The following NOL9 variants were observed in gnomAD, a reference collection of about 807,000 sequenced individuals.
The protein encoded by NOL9 is nucleolar protein 9, also known as polynucleotide 5'-hydroxyl-kinase NOL9.
NOL9 carries 28 observed loss-of-function variants against 67.9 expected under a neutral mutation model. The ratio of observed to expected loss-of-function variants is 0.41; its 90% CI spans 0.31 to 0.57. The LOEUF is 0.57. Among genes scored for constraint, NOL9 ranks in the 20% least tolerant of loss-of-function variants. The pLI is 0.25. For synonymous variants in NOL9, 356 were observed against 352.2 expected (o/e 1.01, Z -0.12); for missense variants, 777 against 897.0 (o/e 0.87, Z 1.71).
At chr1:6,532,348 G>A (rs1365707497) in intron 8 of NOL9, 115 bp downstream of exon 8, 17 of 980,528 alleles carry the variant, frequency 1.7e-5, no homozygotes, top group Non-Finnish European at 1.5e-6. Context: ...TGCATGCACA[G>A]CTGTGACAGG....
chr1:6,545,818 G>A (rs1202291306), intron 3 of NOL9, among the ~76,000 whole-genome samples: 1 of 144,300 alleles, frequency 6.9e-6, no homozygotes, highest in South Asian at 2.2e-4. Flanking sequence ...GGAGGCTGAA[G>A]CACAAGAATC....
chr1:6,530,526 T>C (rs1378381645), intron 9 of NOL9, among the ~76,000 whole-genome samples: 3 of 152,236 alleles, frequency 2.0e-5, no homozygotes, highest in Non-Finnish European at 1.5e-5. Flanking sequence ...AAATCTCACA[T>C]TCACTTAAAG....
At chr1:6,540,142 A>G (rs1282485201) in intron 6 of NOL9, among the ~76,000 whole-genome samples, 3 of 2,692 alleles carry the variant, frequency 1.1e-3, no homozygotes, top group Non-Finnish European at 1.7e-3. Context: ...TTTTTTTTTG[A>G]GACAGAGTCT....
intron 11 of NOL9, 127 bp downstream of exon 11, chr1:6,526,569 C>G: frequency 1.0e-6 from 1 of 971,126 alleles, no homozygotes; most frequent in East Asian, 2.5e-5. Flanking sequence ...TCGGCTCACT[C>G]AGGATCTACA....
chr1:6,533,238 A>G, intron 7 of NOL9, 42 bp downstream of exon 7: 1 of 1,530,222 alleles, frequency 6.5e-7, no homozygotes, highest in Non-Finnish European at 8.8e-7. Flanking sequence ...CAGTACTCAC[A>G]CTGCCTGTCC....
chr1:6,534,651 T>C (rs570642513), intron 6 of NOL9, among the ~76,000 whole-genome samples: 1 of 152,218 alleles, frequency 6.6e-6, no homozygotes, highest in South Asian at 2.1e-4. Flanking sequence ...TGCAAATATA[T>C]TGTAAATAAT....
rs573745622 is a variant in NOL9, at chr1:6,538,615, T to C, written c.1075+3215A>G. Among the ~76,000 whole-genome samples, 31 of 152,044 alleles carry C rather than the reference T, an allele frequency of 2.0e-4. 1 individual carries two copies. The highest frequency in any genetic ancestry group is 2.4e-4 in the Non-Finnish European group (16 of 67,994). ...TGAACCCAGGAAGCGGAGGTTGCAG[T>C]GAACTGAGATCACACTACTTCACTC... On this transcript the variant is annotated intron_variant, in intron 6 of 11. Transcript: ENST00000377705.
At chr1:6,542,242 G>A (rs972673180) in intron 5 of NOL9, among the ~76,000 whole-genome samples, 2 of 150,202 alleles carry the variant, frequency 1.3e-5, no homozygotes, top group Non-Finnish European at 3.0e-5. Flanking sequence ...CTCACTGCAA[G>A]CTCCACCTCC....
intron 6 of NOL9, among the ~76,000 whole-genome samples, chr1:6,537,006 G>A (rs1557786932): frequency 6.6e-6 from 1 of 151,752 alleles, no homozygotes; most frequent in African/African-American, 2.4e-5. Context: ...GTGAGACACT[G>A]TCTCTCTCAA....
rs770435747 is a variant in NOL9 at position 6,549,575 on chromosome 1, T to C, written c.740A>G (p.Gln247Arg). 3 of 1,613,890 alleles carry C rather than the reference T, an allele frequency of 1.9e-6. No homozygotes were observed. The South Asian group carries it at 3.3e-5, about 18-fold the overall frequency. Residue 247 changes from glutamine to arginine, a missense_variant, in exon 3 of 12, where the codon CAA becomes CGA. This residue lies in a region of NOL9 where 364 missense variants were observed against 344.4 expected (regional missense o/e 1.06). Coordinates refer to ENST00000377705, the MANE Select transcript of NOL9 (RefSeq NM_024654.5). ...SYPGSSYIFV[Q>R]ESPTPQIKPE... ...CTGAATGAAAACGGGTTCTACCTCTTGCACAAAAATGTAGGATGAACCCGG... is the reference window on the plus strand; with the variant it reads ...CTGAATGAAAACGGGTTCTACCTCTCGCACAAAAATGTAGGATGAACCCGG...
Position 6,550,278 on chromosome 1 carries a change from G to T in NOL9, c.616+118C>A, listed in dbSNP as rs6683457. 2.4e-5 allele frequency: 19 copies of T among 800,392 alleles called. No homozygotes were observed. The African/African-American group carries it at 2.7e-4, about 12-fold the overall frequency. 49.6% of individuals were successfully genotyped at this position (800,392 alleles called of 1,614,324 possible). ...GATCTCCTGACCTCATGATCCGCCCGCCTTGGCCTCCCAAAGTGCTGGGAT... is the reference window on the plus strand; with the variant it reads ...GATCTCCTGACCTCATGATCCGCCCTCCTTGGCCTCCCAAAGTGCTGGGAT... On this transcript the variant is annotated intron_variant, in intron 2 of 11. Coordinates refer to ENST00000377705, the MANE Select transcript of NOL9 (RefSeq NM_024654.5).
intron 5 of NOL9, among the ~76,000 whole-genome samples, chr1:6,544,168 T>G (rs1038024927): frequency 1.7e-4 from 26 of 151,614 alleles, no homozygotes; most frequent in Non-Finnish European, 3.4e-4. Flanking sequence ...GTGTGGTCCC[T>G]GCTACGTGGG....
chr1:6,538,604 G>C (rs1205027478), intron 6 of NOL9, among the ~76,000 whole-genome samples: 1 of 152,032 alleles, frequency 6.6e-6, no homozygotes, highest in African/African-American at 2.4e-5. Context: ...CCCAGGAAGC[G>C]GAGGTTGCAG....
At chr1:6,545,478 G>T (rs1639398807) in intron 3 of NOL9, among the ~76,000 whole-genome samples, 1 of 152,318 alleles carries the variant, frequency 6.6e-6, no homozygotes, top group Non-Finnish European at 1.5e-5. Context: ...AGGAGGCCCT[G>T]GCTCTAGACC....
At position 6,549,695 on chromosome 1, in the gene NOL9, T is replaced by C; in HGVS notation, c.620A>G (p.Asp207Gly). 1 of 1,613,854 alleles carries C rather than the reference T, an allele frequency of 6.2e-7. No individual in the cohort carries two copies. The highest frequency in any genetic ancestry group is 8.5e-7 in the Non-Finnish European group (1 of 1,179,974). Reference protein sequence around the residue: ...NLLKSHLNLDDRRWSMQNFSP... With the variant: ...NLLKSHLNLDGRRWSMQNFSP... ...AAAATTCTGCATCGACCAACGCCTG[T>C]CATCTGTAAAGAGAAAAATAAACCA... is the stretch of plus-strand genomic sequence containing the variant. The change falls in exon 3 of 12, where the codon GAC (aspartate) becomes GGC (glycine). Residue 207 changes from aspartate (D) to glycine (G), a missense_variant. By Grantham distance (94) the Asp-to-Gly change is moderately conservative (BLOSUM62 -1). Around this residue, in one of 2 missense-constraint regions of NOL9, gnomAD observed 364 missense variants for 344.4 expected, o/e 1.06. Coordinates refer to ENST00000377705, the MANE Select transcript of NOL9 (RefSeq NM_024654.5).
chr1:6,549,831 G>A, intron 2 of NOL9, 133 bp from the exon 3 acceptor site: 3 of 1,040,432 alleles, frequency 2.9e-6, no homozygotes, highest in Non-Finnish European at 4.2e-6. Context: ...CTTTTTCAGG[G>A]GGCCGTACTA....
chr1:6,546,893 G>A (rs143184207), intron 3 of NOL9, among the ~76,000 whole-genome samples: 1 of 152,160 alleles, frequency 6.6e-6, no homozygotes, highest in East Asian at 1.9e-4. Context: ...GTCCCTCTCC[G>A]CCCAGGCTCT....
At chr1:6,528,963 G>C (rs1638955037) in intron 10 of NOL9, 31 bp downstream of exon 10, 1 of 1,608,386 alleles carries the variant, frequency 6.2e-7, no homozygotes. Flanking sequence ...TTTTCAGTAG[G>C]TTTATGGATA....
chr1:6,542,911 T>C (rs1435188547), intron 5 of NOL9, among the ~76,000 whole-genome samples: 1 of 151,944 alleles, frequency 6.6e-6, no homozygotes, highest in Non-Finnish European at 1.5e-5. Context: ...AAGTTTATTT[T>C]TTCTTGAGAC....
Sources: gnomAD v4.1 joint callset for allele counts (sites outside exome capture counted in the v4.1 genomes callset) on GRCh38, gnomAD v4.1.1 for gene constraint, gnomAD v4.1.1 regional missense constraint, MANE v1.5 for transcripts, NCBI Gene and HGNC (gene_info 2026-07-23, HGNC 2026-07-21) for gene names.